CAMTA1: variants seen among roughly 807,000 people sequenced by gnomAD.
CAMTA1 encodes calmodulin binding transcription activator 1, also known as calmodulin-binding transcription activator 1.
A neutral mutation model predicts 170.9 loss-of-function variants in CAMTA1; 27 were observed. That is an observed-to-expected ratio of 0.16 (90% CI 0.12 to 0.22). The LOEUF (loss-of-function observed/expected upper bound fraction) is 0.22. Ranked by LOEUF, CAMTA1 falls within the 10% of genes least tolerant of loss-of-function variation. CAMTA1 has a pLI of 1.00. For missense variants in CAMTA1, 1,619 were observed against 2,217.2 expected (o/e 0.73, Z 5.42); for synonymous variants, 833 against 891.5 (o/e 0.93, Z 1.17).
rs562132444 is a variant in CAMTA1 at position 7,003,942 on chromosome 1, G to A, written c.235-87362G>A. 3.6e-4 allele frequency among the ~76,000 whole-genome samples: 55 copies of A among 152,260 alleles called. 1 individual carries two copies. Among genetic ancestry groups the A allele is most frequent in the Middle Eastern group, 3.4e-3 (1 of 294 alleles). Reference sequence around the variant, plus strand: ...TTTTTGTTTTGAAAATTAACTCCCCGAAAGGGTCAGGTTGTGCTGTGCCTC... The same window carrying A: ...TTTTTGTTTTGAAAATTAACTCCCCAAAAGGGTCAGGTTGTGCTGTGCCTC... On this transcript the variant is annotated intron_variant, in intron 3 of 22. Coordinates refer to ENST00000303635, the MANE Select transcript of CAMTA1 (RefSeq NM_015215.4).
At chr1:7,129,919 TTGTGTGTGTGTGTGTGTGTG>T (rs3058550) in intron 4 of CAMTA1, among the ~76,000 whole-genome samples, 1 of 147,040 alleles carries the variant, frequency 6.8e-6, no homozygotes, top group South Asian at 2.2e-4. Context: ...CTACCTTCTT[TTGTGTGTGTGTGTGTGTGTG>T]TGTGTGTGTG....
At chr1:7,433,159 T>C (rs976157667) in intron 5 of CAMTA1, among the ~76,000 whole-genome samples, 1 of 152,244 alleles carries the variant, frequency 6.6e-6, no homozygotes, top group Non-Finnish European at 1.5e-5. Flanking sequence ...AGGGAGGAAT[T>C]GCCCAGGAAA....
intron 5 of CAMTA1, among the ~76,000 whole-genome samples, chr1:7,406,695 G>A (rs1353319764): frequency 6.6e-6 from 1 of 151,992 alleles, no homozygotes; most frequent in Non-Finnish European, 1.5e-5. Flanking sequence ...TACACAAGCA[G>A]GGCTTACGTG....
chr1:7,704,646 TG>T (rs932992475), intron 11 of CAMTA1, among the ~76,000 whole-genome samples: 4 of 147,896 alleles, frequency 2.7e-5, no homozygotes, highest in Non-Finnish European at 3.0e-5. Flanking sequence ...CCACGCGGCC[TG>T]GGGGGCGGGG....
At chr1:6,865,646 G>A (rs965041285) in intron 3 of CAMTA1, among the ~76,000 whole-genome samples, 2 of 152,158 alleles carry the variant, frequency 1.3e-5, no homozygotes, top group Non-Finnish European at 2.9e-5. Context: ...CAGAACTAAT[G>A]GTTTTTGCCT....
Position 7,231,350 on chromosome 1 carries a change from T to TGTGTGTGTGTGTGA in CAMTA1, c.303-18140_303-18139insTGTGTGTGTGTGAG, listed in dbSNP as rs112268253. Reference sequence around the variant, plus strand: ...TAATGTGTGTGTGTGTGTGTGTGTGTGAGAGAGAGAGAGAGAGAGAGAGGT... The same window carrying TGTGTGTGTGTGTGA: ...TAATGTGTGTGTGTGTGTGTGTGTGTGTGTGTGTGTGTGAGAGAGAGAGAGAGAGAGAGAGAGGT... On this transcript the variant is annotated intron_variant, in intron 4 of 22. Transcript: ENST00000303635. Among the ~76,000 whole-genome samples, 146 of 141,176 alleles carry TGTGTGTGTGTGTGA rather than the reference T, an allele frequency of 1.0e-3. No homozygotes were observed. The Middle Eastern group carries it at 0.011, about 10-fold the overall frequency. The allele number at this position is 141,176 out of a possible 152,430, so 92.6% of individuals were successfully genotyped here.
At chr1:7,648,210 T>A (rs2095822832) in intron 7 of CAMTA1, among the ~76,000 whole-genome samples, 1 of 152,076 alleles carries the variant, frequency 6.6e-6, no homozygotes, top group Non-Finnish European at 1.5e-5. Context: ...CCTGACCATG[T>A]GGTGAAACCT....
At position 7,562,734 on chromosome 1, in the gene CAMTA1, C is replaced by A. The variant is rs1297537221; in HGVS notation, c.511-77666C>A. Among the ~76,000 whole-genome samples the A allele has an allele frequency of 6.6e-6, 1 of 152,242 alleles. No homozygotes were observed. Among genetic ancestry groups the A allele is most frequent in the Non-Finnish European group, 1.5e-5 (1 of 68,048 alleles). ...TGGGAGAAGGGTCTGATATTTCCCG[C>A]ATCTGCCGTTAACCCTCGCCAGGCC... On this transcript the variant is annotated intron_variant, in intron 6 of 22. Coordinates refer to ENST00000303635, the MANE Select transcript of CAMTA1 (RefSeq NM_015215.4). The surrounding 1 kb of genome is among the most constrained non-coding windows in gnomAD (Gnocchi z 4.8).
chr1:6,968,181 C>T (rs938263797), intron 3 of CAMTA1, among the ~76,000 whole-genome samples: 29 of 152,168 alleles, frequency 1.9e-4, no homozygotes, highest in African/African-American at 4.1e-4. Context: ...GTCGGCTGTC[C>T]GCTTGGTGTG....
chr1:7,398,476 C>T (rs908377537), intron 5 of CAMTA1, among the ~76,000 whole-genome samples: 3 of 151,676 alleles, frequency 2.0e-5, no homozygotes, highest in Non-Finnish European at 4.4e-5. Flanking sequence ...CATCCCTTTA[C>T]TTTCAGTTTA....
At position 7,635,413 on chromosome 1, in the gene CAMTA1, C is replaced by T. The variant is rs921100976; in HGVS notation, c.511-4987C>T. ...ACGAGATCGGGACACCGAGACTATC[C>T]TGGCTAACACGGTGAAACCCCGTCT... is the stretch of plus-strand genomic sequence containing the variant. On this transcript the variant is annotated intron_variant, in intron 6 of 22. Coordinates refer to ENST00000303635, the MANE Select transcript of CAMTA1 (RefSeq NM_015215.4). This position sits in a 1 kb window ranked among gnomAD's most constrained non-coding sequence, Gnocchi z 4.4. Among the ~76,000 whole-genome samples the T allele has an allele frequency of 3.9e-5, 6 of 152,100 alleles. No homozygotes were observed. Among genetic ancestry groups the T allele is most frequent in the Admixed American group, 6.5e-5 (1 of 15,280 alleles).
chr1:7,004,987 G>A (rs1465107330), intron 3 of CAMTA1, among the ~76,000 whole-genome samples: 1 of 152,192 alleles, frequency 6.6e-6, no homozygotes, highest in South Asian at 2.1e-4. Context: ...GGCCAGGCTG[G>A]TCTCAAACTC....
chr1:7,243,137 T>A (rs1665180892), intron 4 of CAMTA1, among the ~76,000 whole-genome samples: 1 of 152,226 alleles, frequency 6.6e-6, no homozygotes, highest in East Asian at 1.9e-4. Context: ...TTTTAAGATA[T>A]AAAACTTTTC....
chr1:6,816,051 C>G (rs1484112372), intron 1 of CAMTA1, among the ~76,000 whole-genome samples: 1 of 152,090 alleles, frequency 6.6e-6, no homozygotes, highest in Admixed American at 6.5e-5. Context: ...GGCCTGGGTC[C>G]CATCCCCAGA....
chr1:6,829,703 G>A lies in CAMTA1; in HGVS notation c.234+4493G>A, dbSNP rs1032140483. Reference sequence around the variant, plus strand: ...CATGGATATGTTAACTAATGTACCCGCAGTCAGAGCCGGGAAGTGGGGGAC... The same window carrying A: ...CATGGATATGTTAACTAATGTACCCACAGTCAGAGCCGGGAAGTGGGGGAC... On this transcript the variant is annotated intron_variant, in intron 3 of 22. Transcript: ENST00000303635. Among the ~76,000 whole-genome samples, 6 of 152,176 alleles carry A rather than the reference G, an allele frequency of 3.9e-5. 1 individual carries two copies. The highest frequency in any genetic ancestry group is 1.2e-4 in the African/African-American group (5 of 41,438).
intron 4 of CAMTA1, among the ~76,000 whole-genome samples, chr1:7,228,712 G>T (rs1463812416): frequency 2.0e-5 from 3 of 152,220 alleles, no homozygotes; most frequent in Non-Finnish European, 2.9e-5. Flanking sequence ...GAACCTGCCA[G>T]CAGAGCAGGA....
At chr1:6,881,225 A>C (rs548893491) in intron 3 of CAMTA1, among the ~76,000 whole-genome samples, 1 of 152,314 alleles carries the variant, frequency 6.6e-6, no homozygotes, top group South Asian at 2.1e-4. Flanking sequence ...TTTCTAAAGA[A>C]GGAAAGAAAT....
At chr1:7,591,334 G>T (rs978139119) in intron 6 of CAMTA1, among the ~76,000 whole-genome samples, 1 of 152,200 alleles carries the variant, frequency 6.6e-6, no homozygotes, top group Admixed American at 6.5e-5. Context: ...TGCTGCTAAT[G>T]ATTTCAGACC....
intron 6 of CAMTA1, among the ~76,000 whole-genome samples, chr1:7,545,472 C>T (rs1401111349): frequency 1.3e-5 from 2 of 152,178 alleles, no homozygotes. Context: ...CCTTCAGTCT[C>T]GAGCAGTTCT....
Sources: gnomAD v4.1 joint callset for allele counts (sites outside exome capture counted in the v4.1 genomes callset) on GRCh38, gnomAD v4.1.1 for gene constraint, Gnocchi (gnomAD v3.1) non-coding constraint, MANE v1.5 for transcripts, NCBI Gene and HGNC (gene_info 2026-07-23, HGNC 2026-07-21) for gene names.